Variants in ANK3 observed in about 807,000 individuals in gnomAD.
ANK3 encodes the protein ankyrin-3.
A neutral mutation model predicts 370.9 loss-of-function variants in ANK3; 57 were observed. The ratio of observed to expected loss-of-function variants is 0.15; its 90% CI spans 0.12 to 0.19. The LOEUF (loss-of-function observed/expected upper bound fraction) is 0.19. Among genes scored for constraint, ANK3 ranks in the 10% least tolerant of loss-of-function variants. The pLI, the probability that ANK3 is intolerant of heterozygous loss-of-function variation, is 1.00. For missense variants in ANK3, 4,439 were observed against 5,302.1 expected, an observed-to-expected ratio of 0.84 and a Z score of 5.06; for synonymous variants, 1,929 against 1,946.3, an observed-to-expected ratio of 0.99 and a Z score of 0.23.
At chr10:60,295,771 ATTAAT>A (rs1243113642) in intron 1 of ANK3, among the ~76,000 whole-genome samples, 2 of 152,254 alleles carry the variant, frequency 1.3e-5, no homozygotes, top group African/African-American at 2.4e-5. Context: ...AAAATTAATC[ATTAAT>A]TTATTTTAAA....
chr10:60,289,742 G>A (rs2040894914), intron 1 of ANK3, among the ~76,000 whole-genome samples: 1 of 152,156 alleles, frequency 6.6e-6, no homozygotes, highest in Non-Finnish European at 1.5e-5. Context: ...GCTTTGCTTG[G>A]TAGCACTGAG....
chr10:60,645,544 G>C (rs994169478), intron 1 of ANK3, among the ~76,000 whole-genome samples: 93 of 152,062 alleles, frequency 6.1e-4, no homozygotes, highest in African/African-American at 2.1e-3. Flanking sequence ...TGGCCAACAT[G>C]GTGAAATCTC....
At position 60,528,866 on chromosome 10, in the gene ANK3, T is replaced by C. The variant is rs867269591; in HGVS notation, c.96+86320A>G. 5.3e-5 allele frequency among the ~76,000 whole-genome samples: 8 copies of C among 152,236 alleles called. No individual in the cohort carries two copies. In the Middle Eastern group the frequency reaches 0.014, roughly 259 times the overall value. The stretch of plus-strand genomic sequence containing the variant: ...TTAATAATCACTGATCTATATTCAG[T>C]ACAGATGCTGAGTTTTTACTAGTGA... On this transcript the variant is annotated intron_variant, in intron 2 of 43. Transcript: ENST00000373827.
chr10:60,661,671 G>A (rs2033284746), intron 1 of ANK3, among the ~76,000 whole-genome samples: 2 of 151,954 alleles, frequency 1.3e-5, no homozygotes, highest in Non-Finnish European at 2.9e-5. Context: ...CACTGTACAC[G>A]ACCTTGCAGA....
At chr10:60,726,671 G>A (rs1426769675) in intron 1 of ANK3, among the ~76,000 whole-genome samples, 10 of 151,892 alleles carry the variant, frequency 6.6e-5, no homozygotes, top group Non-Finnish European at 1.5e-5. Context: ...GCTGTAAATG[G>A]GTACTTCCTA....
chr10:60,730,389 C>T (rs1207983035), intron 1 of ANK3, among the ~76,000 whole-genome samples: 5 of 152,106 alleles, frequency 3.3e-5, no homozygotes, highest in Non-Finnish European at 1.5e-5. Flanking sequence ...AACTCCTGGG[C>T]TCAAGTGATC....
intron 2 of ANK3, among the ~76,000 whole-genome samples, chr10:60,590,211 G>A (rs1567167768): frequency 6.6e-6 from 1 of 152,064 alleles, no homozygotes; most frequent in Non-Finnish European, 1.5e-5. Flanking sequence ...TCATATGTGG[G>A]GATTGCACCC....
At chr10:60,090,401 GA>G (rs1373299466) in intron 28 of ANK3, among the ~76,000 whole-genome samples, 1 of 151,978 alleles carries the variant, frequency 6.6e-6, no homozygotes, top group Non-Finnish European at 1.5e-5. Flanking sequence ...TACAAAACTG[GA>G]AACCCAGAAG....
At chr10:60,652,693 T>TA (rs35856343) in intron 1 of ANK3, among the ~76,000 whole-genome samples, 93,765 of 135,558 alleles carry the variant, frequency 0.69, 31,265 homozygotes, top group South Asian at 0.81. Context: ...AGGCAAAATG[T>TA]AAAAAAAAAA....
intron 2 of ANK3, among the ~76,000 whole-genome samples, chr10:60,587,614 A>T (rs540310008): frequency 9.8e-5 from 15 of 152,334 alleles, no homozygotes; most frequent in African/African-American, 3.6e-4. Flanking sequence ...AGCCAGAGTG[A>T]GGCATCAAAA....
At chr10:60,039,484 C>A (rs1317549245) in intron 43 of ANK3, among the ~76,000 whole-genome samples, 1 of 152,136 alleles carries the variant, frequency 6.6e-6, no homozygotes, top group Non-Finnish European at 1.5e-5. Flanking sequence ...AACTATGAGT[C>A]CTTTCACTGT....
At chr10:60,214,230 CAG>C (rs577582336) in intron 8 of ANK3, among the ~76,000 whole-genome samples, 1 of 152,234 alleles carries the variant, frequency 6.6e-6, no homozygotes, top group South Asian at 2.1e-4. Context: ...TAGAATAAGA[CAG>C]GGTTCAGCAT....
intron 1 of ANK3, among the ~76,000 whole-genome samples, chr10:60,384,449 G>T (rs1000700544): frequency 1.3e-5 from 2 of 151,982 alleles, no homozygotes; most frequent in African/African-American, 4.8e-5. Flanking sequence ...TCTGAAACAA[G>T]CCCACTTTGA....
intron 1 of ANK3, among the ~76,000 whole-genome samples, chr10:60,650,540 T>C (rs902437577): frequency 5.3e-5 from 8 of 152,162 alleles, no homozygotes; most frequent in South Asian, 2.1e-4. Context: ...CAATAGACAT[T>C]GGCATGCATA....
intron 7 of ANK3, among the ~76,000 whole-genome samples, chr10:60,247,580 T>C (rs1001247790): frequency 6.6e-6 from 1 of 152,200 alleles, no homozygotes; most frequent in South Asian, 2.1e-4. Context: ...CTGACTACTA[T>C]AGATATTATA....
intron 1 of ANK3, among the ~76,000 whole-genome samples, chr10:60,382,410 A>G (rs1278650032): frequency 6.6e-6 from 1 of 152,174 alleles, no homozygotes; most frequent in African/African-American, 2.4e-5. Context: ...AATTAATCAG[A>G]AAGTCACCCA....
chr10:60,669,918 G>A (rs1185420807), intron 1 of ANK3, among the ~76,000 whole-genome samples: 1 of 152,100 alleles, frequency 6.6e-6, no homozygotes, highest in East Asian at 1.9e-4. Flanking sequence ...GACCTCCTAG[G>A]TTCTAGTGAT....
At chr10:60,592,624 C>T (rs10740034) in intron 2 of ANK3, among the ~76,000 whole-genome samples, 102,101 of 152,002 alleles carry the variant, frequency 0.67, 35,125 homozygotes, top group South Asian at 0.88. Flanking sequence ...ACTAGCCAGG[C>T]TTGGTGGCAG....
Position 60,351,297 on chromosome 10 carries a change from AAAC to A in ANK3, c.114+38125_114+38127del, listed in dbSNP as rs1353415165. ...TTTGGGGGCAATCACTCAGAAAATA[AAAC>A]AACAAGGGGTAAAGTCCTGGTTCCC... On this transcript the variant is annotated intron_variant, in intron 1 of 43. Transcript: ENST00000280772. Among the ~76,000 whole-genome samples the A allele has an allele frequency of 3.9e-5, 6 of 152,172 alleles. No individual in the cohort carries two copies. In the East Asian group the frequency reaches 9.6e-4, roughly 24 times the overall value.
Sources: gnomAD v4.1 joint callset for allele counts (sites outside exome capture counted in the v4.1 genomes callset) on GRCh38, gnomAD v4.1.1 for gene constraint, MANE v1.5 for transcripts, NCBI Gene and HGNC (gene_info 2026-07-23, HGNC 2026-07-21) for gene names.